Variants in ROR1 observed in about 807,000 individuals in gnomAD.
ROR1 encodes the protein ROR family WNT receptor 1, also known as inactive tyrosine-protein kinase transmembrane receptor ROR1.
ROR1 carries 19 observed loss-of-function variants against 78.8 expected under a neutral mutation model. The observed-to-expected ratio is 0.24, with a 90% CI of 0.17 to 0.35. The LOEUF (loss-of-function observed/expected upper bound fraction) is 0.35. ROR1 is among the 10% of genes least tolerant of loss of function. ROR1 has a pLI of 1.00. For missense variants in ROR1, 917 were observed against 1,177.8 expected (o/e 0.78, Z 3.24); for synonymous variants, 386 against 433.6 (o/e 0.89, Z 1.36).
chr1:64,044,048 AAT>A (rs1646764639), intron 2 of ROR1, among the ~76,000 whole-genome samples: 1 of 152,182 alleles, frequency 6.6e-6, no homozygotes, highest in Admixed American at 6.5e-5. Context: ...AATCCTTTTT[AAT>A]TCAGAGTCCT....
At chr1:64,027,648 GC>G (rs1415137905) in intron 2 of ROR1, among the ~76,000 whole-genome samples, 34 of 151,052 alleles carry the variant, frequency 2.3e-4, no homozygotes, top group African/African-American at 8.0e-4. Flanking sequence ...CATTTTGCAT[GC>G]TCATAACATC....
intron 1 of ROR1, among the ~76,000 whole-genome samples, chr1:63,798,130 G>A (rs551361623): frequency 1.3e-5 from 2 of 152,154 alleles, no homozygotes; most frequent in South Asian, 2.1e-4. Context: ...GACTCAGTCA[G>A]GCATTTTTCC....
intron 1 of ROR1, among the ~76,000 whole-genome samples, chr1:63,885,434 T>G (rs1645350319): frequency 6.6e-6 from 1 of 152,084 alleles, no homozygotes; most frequent in Non-Finnish European, 1.5e-5. Flanking sequence ...TATTGTTCTG[T>G]TGAACAAACA....
At chr1:64,077,100 G>A (rs902183513) in intron 4 of ROR1, among the ~76,000 whole-genome samples, 1 of 152,124 alleles carries the variant, frequency 6.6e-6, no homozygotes, top group Non-Finnish European at 1.5e-5. Context: ...CACATAGTAC[G>A]GAGGCAAAGT....
chr1:63,938,872 C>G lies in ROR1; in HGVS notation c.92-70433C>G, dbSNP rs149060904. 4.8e-3 allele frequency among the ~76,000 whole-genome samples: 733 copies of G among 152,116 alleles called. 4 individuals are homozygous for G. The highest frequency in any genetic ancestry group is 0.027 in the Middle Eastern group (8 of 294). On this transcript the variant is annotated intron_variant, in intron 1 of 8. Transcript: ENST00000371079. The stretch of plus-strand genomic sequence containing the variant: ...AAACAAATAGGTGTGGTGGCACATG[C>G]CTGTAGTCCCAGCTACTTGGGAGGC...
chr1:64,093,658 C>T (rs1020517597), intron 4 of ROR1, among the ~76,000 whole-genome samples: 1 of 152,028 alleles, frequency 6.6e-6, no homozygotes, highest in African/African-American at 2.4e-5. Flanking sequence ...TAGAAACCCC[C>T]GGTCCTGAAC....
At chr1:63,832,596 A>G (rs540626247) in intron 1 of ROR1, among the ~76,000 whole-genome samples, 4 of 152,308 alleles carry the variant, frequency 2.6e-5, no homozygotes, top group African/African-American at 9.6e-5. Flanking sequence ...CCTTTTCTGG[A>G]ACATGGAATT....
At chr1:63,797,150 C>A (rs1644766113) in intron 1 of ROR1, among the ~76,000 whole-genome samples, 1 of 152,152 alleles carries the variant, frequency 6.6e-6, no homozygotes, top group Non-Finnish European at 1.5e-5. Flanking sequence ...ATAATGATGA[C>A]AATAACTAAC....
At chr1:64,014,753 T>C (rs1204312583) in intron 2 of ROR1, among the ~76,000 whole-genome samples, 5 of 33,498 alleles carry the variant, frequency 1.5e-4, no homozygotes, top group Admixed American at 5.0e-4. Flanking sequence ...TATATATATA[T>C]ATATATATAT....
In ROR1 at chr1:64,179,012, G is replaced by T; in HGVS notation, c.*157G>T. 7.6e-5 allele frequency: 16 copies of T among 211,626 alleles called. No homozygotes were observed. The highest frequency in any genetic ancestry group is 1.6e-4 in the Admixed American group (2 of 12,746). The allele number at this position is 211,626 out of a possible 1,614,324, so 13.1% of individuals were successfully genotyped here. ...TCACTGTGTCTTACCAAGCAGGACA[G>T]ACACTCGGCCAGAAAAAAAAAAAAA... On this transcript the variant is annotated 3_prime_UTR_variant, in exon 9 of 9. Coordinates refer to ENST00000371079, the MANE Select transcript of ROR1 (RefSeq NM_005012.4).
intron 4 of ROR1, among the ~76,000 whole-genome samples, chr1:64,125,157 T>G (rs957034736): frequency 6.6e-6 from 1 of 152,228 alleles, no homozygotes; most frequent in Non-Finnish European, 1.5e-5. Context: ...CTAAACGTTT[T>G]TACGTATGTT....
At chr1:63,817,935 T>G (rs950419140) in intron 1 of ROR1, among the ~76,000 whole-genome samples, 1 of 152,176 alleles carries the variant, frequency 6.6e-6, no homozygotes, top group Non-Finnish European at 1.5e-5. Context: ...GCAGAGTGTC[T>G]CTACGGAACC....
At chr1:64,042,548 G>C (rs558088562) in intron 2 of ROR1, among the ~76,000 whole-genome samples, 24 of 152,304 alleles carry the variant, frequency 1.6e-4, no homozygotes, top group Middle Eastern at 6.8e-3. Flanking sequence ...AGATCCAGCA[G>C]GTGGGGTCAT....
intron 2 of ROR1, among the ~76,000 whole-genome samples, chr1:64,021,648 A>T (rs1298384200): frequency 2.0e-5 from 3 of 152,202 alleles, no homozygotes; most frequent in Non-Finnish European, 4.4e-5. Context: ...TACCAAGTCC[A>T]TGTTCTCAGT....
intron 8 of ROR1, among the ~76,000 whole-genome samples, chr1:64,166,014 C>A (rs1470376090): frequency 6.6e-6 from 1 of 152,100 alleles, no homozygotes; most frequent in Admixed American, 6.6e-5. Flanking sequence ...ACATTTAAGT[C>A]TTTCATCCAT....
chr1:63,900,288 T>C (rs999325325), intron 1 of ROR1, among the ~76,000 whole-genome samples: 7 of 152,030 alleles, frequency 4.6e-5, no homozygotes, highest in Admixed American at 3.9e-4. Context: ...ACCTTGTCTC[T>C]ACTAAAAATA....
chr1:64,117,065 G>C (rs1648340697), intron 4 of ROR1, among the ~76,000 whole-genome samples: 1 of 152,120 alleles, frequency 6.6e-6, no homozygotes, highest in Admixed American at 6.5e-5. Flanking sequence ...AGTCCTGATT[G>C]ACTAAGAAAA....
intron 1 of ROR1, among the ~76,000 whole-genome samples, chr1:63,829,213 A>G (rs1310688705): frequency 2.0e-5 from 3 of 152,322 alleles, no homozygotes; most frequent in Admixed American, 6.5e-5. Context: ...CATTTGTTTC[A>G]TATGGCATAT....
chr1:64,071,232 G>T (rs1247942735), intron 4 of ROR1, among the ~76,000 whole-genome samples: 2 of 152,152 alleles, frequency 1.3e-5, no homozygotes, highest in Non-Finnish European at 1.5e-5. Context: ...GAGGGTTTCA[G>T]CTAAAGAGGT....
Sources: allele counts gnomAD v4.1 joint callset (sites outside exome capture counted in the v4.1 genomes callset), GRCh38; gene constraint gnomAD v4.1.1; transcripts MANE v1.5; gene names NCBI Gene and HGNC (gene_info 2026-07-23, HGNC 2026-07-21).